The following PARM1 variants were observed in gnomAD, a reference collection of about 807,000 sequenced individuals.
The protein encoded by PARM1 is WSC4, cell wall integrity and stress response component 4 homolog.
In PARM1, 14 loss-of-function variants were observed where a neutral mutation model predicts 24.6. That is an observed-to-expected ratio of 0.57 (90% CI 0.38 to 0.89). The LOEUF (loss-of-function observed/expected upper bound fraction) is 0.89, where lower values mean the gene tolerates loss of function less well. PARM1 is among the 40% of genes least tolerant of loss of function. PARM1 has a pLI of 0.00. For synonymous variants in PARM1, 179 were observed against 156.6 expected (o/e 1.14, Z -1.07); for missense variants, 362 against 380.4 (o/e 0.95, Z 0.40).
chr4:74,973,989 G>A (rs1274376287), intron 1 of PARM1, among the ~76,000 whole-genome samples: 2 of 152,176 alleles, frequency 1.3e-5, no homozygotes, highest in Non-Finnish European at 2.9e-5. Context: ...GCAAGCTGGA[G>A]ACTAAAGAAA....
intron 2 of PARM1, among the ~76,000 whole-genome samples, chr4:75,023,712 A>C (rs1287697514): frequency 6.6e-6 from 1 of 152,214 alleles, no homozygotes; most frequent in Non-Finnish European, 1.5e-5. Context: ...GAAAATCCAA[A>C]GAAAAGTGTT....
chr4:74,995,116 G>T (rs1250773914), intron 1 of PARM1, among the ~76,000 whole-genome samples: 1 of 152,180 alleles, frequency 6.6e-6, no homozygotes, highest in Non-Finnish European at 1.5e-5. Context: ...ACTTAGAGAA[G>T]ATTAAATATG....
intron 3 of PARM1, among the ~76,000 whole-genome samples, chr4:75,039,355 C>T (rs554621925): frequency 6.6e-6 from 1 of 151,984 alleles, no homozygotes; most frequent in Non-Finnish European, 1.5e-5. Context: ...CACAGTGAAA[C>T]CCCATCTCTA....
chr4:75,003,807 C>G (rs901500537), intron 1 of PARM1, among the ~76,000 whole-genome samples: 18 of 152,148 alleles, frequency 1.2e-4, no homozygotes, highest in African/African-American at 3.9e-4. Context: ...TTGTAGGTCC[C>G]TAACAGTGGC....
intron 2 of PARM1, among the ~76,000 whole-genome samples, chr4:75,023,059 A>G (rs1402600574): frequency 1.4e-4 from 21 of 152,254 alleles, no homozygotes; most frequent in Non-Finnish European, 8.8e-5. Flanking sequence ...AGAGGCTCAA[A>G]GATGAAGGCA....
At chr4:74,977,804 G>A (rs1328595161) in intron 1 of PARM1, among the ~76,000 whole-genome samples, 2 of 152,108 alleles carry the variant, frequency 1.3e-5, no homozygotes. Context: ...GAGATTGGGG[G>A]CCAACATCAA....
rs1266306275 is a variant in PARM1 at position 75,046,400 on chromosome 4, T to C, written c.*153T>C. ...TTTGTTTTCCTCCCTCTCCTCTGGC[T>C]GCTACAACTTCCCCTTTCTGGTACA... is the stretch of plus-strand genomic sequence containing the variant. On this transcript the variant is annotated 3_prime_UTR_variant, in exon 4 of 4. Coordinates refer to ENST00000307428, the MANE Select transcript of PARM1 (RefSeq NM_015393.4). 2 of 554,384 alleles carry C rather than the reference T, an allele frequency of 3.6e-6. No homozygotes were observed. Among genetic ancestry groups the C allele is most frequent in the African/African-American group, 1.9e-5 (1 of 52,466 alleles). The allele number at this position is 554,384 out of a possible 1,614,324, so 34.3% of individuals were successfully genotyped here.
At position 74,949,003 on chromosome 4, in the gene PARM1, C is replaced by G. The variant is rs553680504; in HGVS notation, c.43+15633C>G. 2.0e-5 allele frequency among the ~76,000 whole-genome samples: 3 copies of G among 151,928 alleles called. No individual in the cohort carries two copies. The East Asian group carries it at 5.8e-4, about 30-fold the overall frequency. On this transcript the variant is annotated intron_variant, in intron 1 of 3. Coordinates refer to ENST00000307428, the MANE Select transcript of PARM1 (RefSeq NM_015393.4). ...TGCCACTGCACTCCAGCCTCGGCGA[C>G]AGAGCGAGACTCTGTCTCAAAAAAA...
intron 1 of PARM1, among the ~76,000 whole-genome samples, chr4:74,943,450 A>G (rs533747618): frequency 5.9e-5 from 9 of 152,200 alleles, no homozygotes; most frequent in Non-Finnish European, 1.2e-4. Context: ...GACATTGGCA[A>G]ACTTGCTTAC....
intron 1 of PARM1, among the ~76,000 whole-genome samples, chr4:74,938,412 A>G (rs1163633976): frequency 6.6e-6 from 1 of 152,234 alleles, no homozygotes; most frequent in Non-Finnish European, 1.5e-5. Context: ...AAAATTGGGC[A>G]CATTAGTTTA....
intron 1 of PARM1, among the ~76,000 whole-genome samples, chr4:74,963,820 A>G (rs181141386): frequency 6.6e-6 from 1 of 152,314 alleles, no homozygotes; most frequent in East Asian, 1.9e-4. Context: ...TAATATGTTT[A>G]CATATTATAA....
intron 1 of PARM1, among the ~76,000 whole-genome samples, chr4:74,978,355 A>T (rs1034195052): frequency 2.0e-5 from 3 of 151,762 alleles, no homozygotes; most frequent in Admixed American, 6.6e-5. Flanking sequence ...CAACAAAGAT[A>T]AAAAAATACA....
Position 74,933,360 on chromosome 4 carries a change from C to T in PARM1, c.33C>T (p.Ile11=), listed in dbSNP as rs1359617990. The T allele has an allele frequency of 1.1e-5, 17 of 1,612,836 alleles. No homozygotes were observed. The East Asian group carries it at 1.1e-4, about 11-fold the overall frequency. Reference sequence around the variant, plus strand: ...ACAAGACTCTCTTCGCTCTTTGCATCTTAACTGCAGGTAATTGGCGCCATC... The same window carrying T: ...ACAAGACTCTCTTCGCTCTTTGCATTTTAACTGCAGGTAATTGGCGCCATC... MVYKTLFALC[I]LTAGWRVQSL... Residue 11 remains isoleucine (I), a synonymous_variant, in exon 1 of 4, where the codon ATC becomes ATT. Transcript: ENST00000307428.
chr4:74,973,977 C>T (rs756016392), intron 1 of PARM1, among the ~76,000 whole-genome samples: 3 of 152,170 alleles, frequency 2.0e-5, no homozygotes, highest in Non-Finnish European at 2.9e-5. Flanking sequence ...CATCTTCTGT[C>T]TGCAAGCTGG....
chr4:75,015,188 C>T (rs1325786776), intron 2 of PARM1, among the ~76,000 whole-genome samples: 5 of 152,174 alleles, frequency 3.3e-5, no homozygotes, highest in Non-Finnish European at 4.4e-5. Flanking sequence ...GACACATCTA[C>T]TCCTTCCTAC....
At chr4:75,012,059 G>A (rs1722880606) in intron 1 of PARM1, among the ~76,000 whole-genome samples, 1 of 152,174 alleles carries the variant, frequency 6.6e-6, no homozygotes, top group Non-Finnish European at 1.5e-5. Context: ...GAGCTGTGGA[G>A]TTGGCTGCTC....
chr4:74,986,351 GCTAATTA>G (rs1722355519), intron 1 of PARM1, among the ~76,000 whole-genome samples: 1 of 152,270 alleles, frequency 6.6e-6, no homozygotes, highest in South Asian at 2.1e-4. Flanking sequence ...TACTCAAAGT[GCTAATTA>G]CAGATATTAC....
chr4:74,958,587 T>C (rs1721698411), intron 1 of PARM1, among the ~76,000 whole-genome samples: 1 of 152,206 alleles, frequency 6.6e-6, no homozygotes, highest in South Asian at 2.1e-4. Flanking sequence ...GAGGAATTTA[T>C]GAGGCTCGAC....
rs188393735 is a variant in PARM1 at position 74,960,222 on chromosome 4, T to C, written c.43+26852T>C. 1.9e-3 allele frequency among the ~76,000 whole-genome samples: 292 copies of C among 152,324 alleles called. 3 individuals carry two copies. The highest frequency in any genetic ancestry group is 6.9e-3 in the African/African-American group (286 of 41,580). On this transcript the variant is annotated intron_variant, in intron 1 of 3. Coordinates refer to ENST00000307428, the MANE Select transcript of PARM1 (RefSeq NM_015393.4). ...CCATTGTTGCACCCCTTTCTTCACG[T>C]TGCAAGCCCTTCTCCCTTTGGGTAA...
Sources: allele counts gnomAD v4.1 joint callset (sites outside exome capture counted in the v4.1 genomes callset), GRCh38; gene constraint gnomAD v4.1.1; transcripts MANE v1.5; gene names NCBI Gene and HGNC (gene_info 2026-07-23, HGNC 2026-07-21).